ZFYVE28: variants seen among roughly 807,000 people sequenced by gnomAD.
ZFYVE28 encodes lateral signaling target protein 2 homolog.
A neutral mutation model predicts 82.1 loss-of-function variants in ZFYVE28; 40 were observed. The ratio of observed to expected loss-of-function variants is 0.49; its 90% CI spans 0.38 to 0.63. The LOEUF (loss-of-function observed/expected upper bound fraction) is 0.63, where lower values mean the gene tolerates loss of function less well. Among genes scored for constraint, ZFYVE28 ranks in the 30% least tolerant of loss-of-function variants. ZFYVE28 has a pLI of 0.00. For synonymous variants in ZFYVE28, 612 were observed against 546.1 expected (o/e 1.12, Z -1.68); for missense variants, 1,321 against 1,242.1 (o/e 1.06, Z -0.96).
intron 1 of ZFYVE28, among the ~76,000 whole-genome samples, chr4:2,401,405 A>C (rs1578394749): frequency 6.6e-6 from 1 of 152,058 alleles, no homozygotes; most frequent in Admixed American, 6.5e-5. Flanking sequence ...CCCACATCCC[A>C]CCCTCACAGC....
intron 1 of ZFYVE28, among the ~76,000 whole-genome samples, chr4:2,358,075 G>A (rs3135127): frequency 0.52 from 79,462 of 151,982 alleles, 21,440 homozygotes; most frequent in Admixed American, 0.64. Flanking sequence ...CAAAGAATGG[G>A]GTACTTGCAT....
intron 8 of ZFYVE28, among the ~76,000 whole-genome samples, chr4:2,285,189 C>T (rs1712534134): frequency 6.6e-6 from 1 of 152,016 alleles, no homozygotes. Context: ...CAAGTACACA[C>T]CCAAGATGGC....
intron 1 of ZFYVE28, among the ~76,000 whole-genome samples, chr4:2,369,526 GA>G (rs1166402899): frequency 2.0e-5 from 3 of 152,152 alleles, no homozygotes; most frequent in Admixed American, 1.3e-4. Context: ...ACTGTTTTTG[GA>G]AAAACGGTTG....
chr4:2,312,833 C>A (rs1418839214), intron 7 of ZFYVE28, among the ~76,000 whole-genome samples: 1 of 151,050 alleles, frequency 6.6e-6, no homozygotes, highest in African/African-American at 2.4e-5. Context: ...TCACTTGAGA[C>A]CAGGAGTTCG....
rs1199258538 is a variant in ZFYVE28 at position 2,418,454 on chromosome 4, A to G, written c.-131T>C. ...CCGCGCTGTCGCAGGGAGGCTGGCTAGCGAAGCCCGGAGCGCCGAGCGGGC... is the reference window on the plus strand; with the variant it reads ...CCGCGCTGTCGCAGGGAGGCTGGCTGGCGAAGCCCGGAGCGCCGAGCGGGC... On this transcript the variant is annotated 5_prime_UTR_variant, in exon 1 of 13. Transcript: ENST00000290974. This position sits in a 1 kb window ranked among gnomAD's most constrained non-coding sequence, Gnocchi z 4.6. The G allele has an allele frequency of 8.5e-6, 6 of 706,986 alleles. No homozygotes were observed. Among genetic ancestry groups the G allele is most frequent in the Non-Finnish European group, 1.8e-6 (1 of 563,906 alleles). 43.8% of individuals were successfully genotyped at this position (706,986 alleles called of 1,614,324 possible).
At chr4:2,287,457 C>G (rs749333798) in intron 8 of ZFYVE28, 32 of 152,276 alleles carry the variant, frequency 2.1e-4, no homozygotes, top group Non-Finnish European at 4.4e-4. Flanking sequence ...ATGGGCTGAA[C>G]GAATCCTGGC....
Position 2,418,365 on chromosome 4 carries a change from TCCGCAGCGCTGCGCCCGGGC to T in ZFYVE28, c.-62_-43del, listed in dbSNP as rs1263583617. 1.4e-6 allele frequency: 2 copies of T among 1,390,640 alleles called. No individual in the cohort carries two copies. Among genetic ancestry groups the T allele is most frequent in the Non-Finnish European group, 1.9e-6 (2 of 1,061,760 alleles). 86.1% of individuals were successfully genotyped at this position (1,390,640 alleles called of 1,614,324 possible). A position where few individuals can be genotyped will look rare whatever the true frequency, so the allele number is the denominator to read the frequency against. On this transcript the variant is annotated 5_prime_UTR_variant, in exon 1 of 13. Transcript: ENST00000290974. This position sits in a 1 kb window ranked among gnomAD's most constrained non-coding sequence, Gnocchi z 4.6. Reference sequence around the variant, plus strand: ...GCCGGACTCCGGGCGGCCCTCGCCCTCCGCAGCGCTGCGCCCGGGCCCGGCTGAGGCGCGGGGCGGACGCG... The same window carrying T: ...GCCGGACTCCGGGCGGCCCTCGCCCTCCGGCTGAGGCGCGGGGCGGACGCG...
intron 7 of ZFYVE28, chr4:2,319,005 C>G (rs1455143761): frequency 6.5e-6 from 1 of 152,688 alleles, no homozygotes; most frequent in East Asian, 1.9e-4. Context: ...AGGCCAAGGG[C>G]AGATATGCTC....
rs1727632768 is a variant in ZFYVE28 at position 2,372,160 on chromosome 4, T to C, written c.40-18087A>G. ...AGCGGGGAGGAGGGCAAATGTTTTG[T>C]TTGCTGTTACCTATTCCCGTGACCA... On this transcript the variant is annotated intron_variant, in intron 1 of 12. Transcript: ENST00000290974. The surrounding 1 kb of genome is among the most constrained non-coding windows in gnomAD (Gnocchi z 5.2). Among the ~76,000 whole-genome samples the C allele has an allele frequency of 6.6e-6, 1 of 151,750 alleles. No homozygotes were observed. Among genetic ancestry groups the C allele is most frequent in the South Asian group, 2.1e-4 (1 of 4,814 alleles).
rs1348579869 is a variant in ZFYVE28 at position 2,339,262 on chromosome 4, T to C, written c.521+191A>G. Among the ~76,000 whole-genome samples, 1 of 152,118 alleles carries C rather than the reference T, an allele frequency of 6.6e-6. No homozygotes were observed. The highest frequency in any genetic ancestry group is 1.5e-5 in the Non-Finnish European group (1 of 67,998). ...TGTCCTCTGTGCTCACCCCACTCCC[T>C]GGAAAGATGCCCCACCTCACCTCCA... On this transcript the variant is annotated intron_variant, in intron 4 of 12. Transcript: ENST00000290974. The surrounding 1 kb of genome is among the most constrained non-coding windows in gnomAD (Gnocchi z 5.0).
At chr4:2,407,435 G>T (rs1181170746) in intron 1 of ZFYVE28, among the ~76,000 whole-genome samples, 1 of 151,926 alleles carries the variant, frequency 6.6e-6, no homozygotes, top group Non-Finnish European at 1.5e-5. Context: ...GCTGCGTTCT[G>T]AGCATCTGAG....
intron 1 of ZFYVE28, among the ~76,000 whole-genome samples, chr4:2,396,068 AC>A (rs1730417957): frequency 1.4e-5 from 2 of 146,424 alleles, no homozygotes; most frequent in Admixed American, 1.4e-4. Flanking sequence ...TGCAGAGGGG[AC>A]CCAAGGCGGG....
chr4:2,335,613 G>C lies in ZFYVE28; in HGVS notation c.701+92C>G. The C allele has an allele frequency of 8.1e-7, 1 of 1,237,002 alleles. No individual in the cohort carries two copies. The highest frequency in any genetic ancestry group is 1.1e-6 in the Non-Finnish European group (1 of 872,958). The allele number at this position is 1,237,002 out of a possible 1,614,324, so 76.6% of individuals were successfully genotyped here. On this transcript the variant is annotated intron_variant, in intron 6 of 12. Transcript: ENST00000290974. This position sits in a 1 kb window ranked among gnomAD's most constrained non-coding sequence, Gnocchi z 5.8. ...TGAGCGGCCACCGTGAGGTGGAGAC[G>C]CCATGGACCGGCACCCGCACGGGAC...
intron 1 of ZFYVE28, among the ~76,000 whole-genome samples, chr4:2,355,095 G>A (rs992158325): frequency 1.3e-5 from 2 of 150,272 alleles, no homozygotes; most frequent in African/African-American, 2.4e-5. Context: ...CCGTCCCTTG[G>A]CACGTGAGGT....
chr4:2,379,458 C>T (rs939511270), intron 1 of ZFYVE28, among the ~76,000 whole-genome samples: 1 of 152,202 alleles, frequency 6.6e-6, no homozygotes, highest in Non-Finnish European at 1.5e-5. Context: ...GGCTGAAGTT[C>T]ACAAGAATGT....
At chr4:2,410,828 C>T (rs1054677320) in intron 1 of ZFYVE28, among the ~76,000 whole-genome samples, 1 of 152,128 alleles carries the variant, frequency 6.6e-6, no homozygotes, top group Non-Finnish European at 1.5e-5. Flanking sequence ...GTGGAGGGAC[C>T]ACATGTATCT....
chr4:2,271,507 C>T (rs1358515997), intron 11 of ZFYVE28, 93 bp from the exon 12 acceptor site: 8 of 1,476,364 alleles, frequency 5.4e-6, no homozygotes, highest in Admixed American at 1.7e-5. Flanking sequence ...CCTTTCCAGA[C>T]TGCCAAGCCG....
At chr4:2,379,143 C>T (rs1728467485) in intron 1 of ZFYVE28, among the ~76,000 whole-genome samples, 1 of 152,190 alleles carries the variant, frequency 6.6e-6, no homozygotes, top group South Asian at 2.1e-4. Flanking sequence ...CCCCAGTCTG[C>T]ACCATGCTGG....
chr4:2,364,782 C>A lies in ZFYVE28; in HGVS notation c.40-10709G>T. The A allele has an allele frequency of 4.1e-6, 4 of 985,548 alleles. No homozygotes were observed. In the South Asian group the frequency reaches 1.9e-4, roughly 46 times the overall value. 61.1% of individuals were successfully genotyped at this position (985,548 alleles called of 1,614,324 possible). A position where few individuals can be genotyped will look rare whatever the true frequency, so the allele number is the denominator to read the frequency against. On this transcript the variant is annotated intron_variant, in intron 1 of 12. Transcript: ENST00000290974. ...CCGCCGCCGCGCCCTCGTCAAGGCG[C>A]CCACGGCCTCCGAGCGGGTGACTGG... is the stretch of plus-strand genomic sequence containing the variant.
Sources: allele counts gnomAD v4.1 joint callset (sites outside exome capture counted in the v4.1 genomes callset), GRCh38; gene constraint gnomAD v4.1.1; non-coding constraint Gnocchi (gnomAD v3.1); transcripts MANE v1.5; gene names NCBI Gene and HGNC (gene_info 2026-07-23, HGNC 2026-07-21).